Variants in PRKCE observed in about 807,000 individuals in gnomAD.
The protein encoded by PRKCE is protein kinase C epsilon type.
In PRKCE, 16 loss-of-function variants were observed where a neutral mutation model predicts 85.4. That is an observed-to-expected ratio of 0.19 (90% CI 0.13 to 0.28). The LOEUF is 0.28. Among genes scored for constraint, PRKCE ranks in the 10% least tolerant of loss-of-function variants. The pLI is 1.00. For missense variants in PRKCE, 573 were observed against 975.2 expected, an observed-to-expected ratio of 0.59 and a Z score of 5.49; for synonymous variants, 388 against 371.5, an observed-to-expected ratio of 1.04 and a Z score of -0.51.
chr2:46,033,096 G>A (rs1243066690), intron 10 of PRKCE, among the ~76,000 whole-genome samples: 3 of 152,178 alleles, frequency 2.0e-5, no homozygotes, highest in African/African-American at 4.8e-5. Flanking sequence ...CACTTATGAC[G>A]CAATGACAAG....
intron 2 of PRKCE, among the ~76,000 whole-genome samples, chr2:45,881,115 T>C (rs1466542034): frequency 7.1e-6 from 1 of 140,806 alleles, no homozygotes; most frequent in African/African-American, 2.8e-5. Flanking sequence ...ATCCCGCCAC[T>C]GCACTCCAGC....
At chr2:46,098,601 T>A (rs1670926347) in intron 11 of PRKCE, among the ~76,000 whole-genome samples, 1 of 152,210 alleles carries the variant, frequency 6.6e-6, no homozygotes, top group African/African-American at 2.4e-5. Context: ...TGTTGGGACC[T>A]GTCCTATATA....
chr2:45,904,779 C>G (rs1696847880), intron 2 of PRKCE, among the ~76,000 whole-genome samples: 1 of 152,226 alleles, frequency 6.6e-6, no homozygotes, highest in South Asian at 2.1e-4. Context: ...CTTGCTGTCT[C>G]CCCGCTGCCC....
chr2:45,935,387 C>T (rs1015570125), intron 2 of PRKCE, among the ~76,000 whole-genome samples: 18 of 152,142 alleles, frequency 1.2e-4, no homozygotes, highest in Admixed American at 1.3e-4. Context: ...AAGCTAAGAA[C>T]TTTTGAAGTA....
Position 46,074,429 on chromosome 2 carries a change from CAAAA to C in PRKCE, c.1438-11763_1438-11760del, listed in dbSNP as rs11287357. ...AAACAAACAAACAAACAACAACAAC[CAAAA>C]AAAAAAAAAAAAAAAGAAAAACACG... is the stretch of plus-strand genomic sequence containing the variant. On this transcript the variant is annotated intron_variant, in intron 10 of 14. Transcript: ENST00000306156. Among the ~76,000 whole-genome samples, 16 of 93,886 alleles carry C rather than the reference CAAAA, an allele frequency of 1.7e-4. 1 individual carries two copies. The highest frequency in any genetic ancestry group is 5.0e-4 in the African/African-American group (12 of 23,846). 61.6% of individuals were successfully genotyped at this position (93,886 alleles called of 152,430 possible).
chr2:45,749,223 T>A (rs907669225), intron 1 of PRKCE, among the ~76,000 whole-genome samples: 1 of 152,234 alleles, frequency 6.6e-6, no homozygotes, highest in Non-Finnish European at 1.5e-5. Context: ...TTGAACCATC[T>A]TCCCTGATCC....
At chr2:45,978,741 C>A in intron 3 of PRKCE, 2 of 478,558 alleles carry the variant, frequency 4.2e-6, no homozygotes, top group Admixed American at 3.5e-5. Flanking sequence ...TATAGGAAAT[C>A]AAGCTCTGAT....
At chr2:46,143,820 G>T (rs778262211) in intron 11 of PRKCE, among the ~76,000 whole-genome samples, 1 of 152,204 alleles carries the variant, frequency 6.6e-6, no homozygotes, top group Non-Finnish European at 1.5e-5. Flanking sequence ...TTCTCAAGAA[G>T]TCCCAGCTGT....
Position 45,993,830 on chromosome 2 carries a change from G to A in PRKCE, c.824-7574G>A, listed in dbSNP as rs933387180. Among the ~76,000 whole-genome samples the A allele has an allele frequency of 2.6e-5, 4 of 152,118 alleles. No homozygotes were observed. In the East Asian group the frequency reaches 5.8e-4, roughly 22 times the overall value. On this transcript the variant is annotated intron_variant, in intron 6 of 14. Coordinates refer to ENST00000306156, the MANE Select transcript of PRKCE (RefSeq NM_005400.3). ...GTTGCCTGGTCTCTGATCAGCCCGC[G>A]GATCAGAGTTATTAGTGATAACTCC...
chr2:45,657,714 C>T (rs989935933), intron 1 of PRKCE, among the ~76,000 whole-genome samples: 1 of 152,194 alleles, frequency 6.6e-6, no homozygotes, highest in Non-Finnish European at 1.5e-5. Flanking sequence ...AGTAGCCCAT[C>T]GGCAAAGCTT....
At chr2:46,043,926 G>A (rs1467857189) in intron 10 of PRKCE, among the ~76,000 whole-genome samples, 27 of 152,322 alleles carry the variant, frequency 1.8e-4, no homozygotes, top group Non-Finnish European at 4.4e-5. Flanking sequence ...TCTGAATGGG[G>A]AAGATCTTTC....
intron 1 of PRKCE, among the ~76,000 whole-genome samples, chr2:45,657,036 G>T (rs377347151): frequency 1.3e-5 from 2 of 152,216 alleles, no homozygotes; most frequent in Non-Finnish European, 2.9e-5. Flanking sequence ...AAGGATTAGG[G>T]CTTGAAGGGC....
intron 2 of PRKCE, among the ~76,000 whole-genome samples, chr2:45,975,509 A>G (rs929723969): frequency 2.6e-5 from 4 of 152,162 alleles, no homozygotes; most frequent in Non-Finnish European, 4.4e-5. Context: ...CACTAATCCC[A>G]TCATGGAGGC....
Position 45,707,049 on chromosome 2 carries a change from C to T in PRKCE, c.348+54601C>T, listed in dbSNP as rs186386862. Among the ~76,000 whole-genome samples, 23 of 152,322 alleles carry T rather than the reference C, an allele frequency of 1.5e-4. No individual in the cohort carries two copies. The East Asian group carries it at 4.2e-3, about 28-fold the overall frequency. ...CCCCAAAGATGGGGGTCTTGGCCAA[C>T]TCTGGAATTCTGTGATTTTATGACT... On this transcript the variant is annotated intron_variant, in intron 1 of 14. Coordinates refer to ENST00000306156, the MANE Select transcript of PRKCE (RefSeq NM_005400.3).
chr2:46,045,532 G>A (rs1708469622), intron 10 of PRKCE, among the ~76,000 whole-genome samples: 1 of 152,182 alleles, frequency 6.6e-6, no homozygotes, highest in Non-Finnish European at 1.5e-5. Flanking sequence ...ATGTTGTTTT[G>A]TTTCTTCTCT....
rs868196044 is a variant in PRKCE, at chr2:46,152,185, T to A, written c.1920+956T>A. ...TGATTATATGTATTTTACAAAGAAA[T>A]TTTTTTTTTTTTTTTAGACAGAGTC... On this transcript the variant is annotated intron_variant, in intron 13 of 14. Coordinates refer to ENST00000306156, the MANE Select transcript of PRKCE (RefSeq NM_005400.3). Among the ~76,000 whole-genome samples the A allele has an allele frequency of 2.4e-4, 34 of 142,318 alleles. 1 individual carries two copies. In the South Asian group the frequency reaches 6.0e-3, roughly 25 times the overall value. 93.4% of individuals were successfully genotyped at this position (142,318 alleles called of 152,430 possible).
chr2:46,127,467 C>A (rs1339458984), intron 11 of PRKCE, among the ~76,000 whole-genome samples: 1 of 152,194 alleles, frequency 6.6e-6, no homozygotes, highest in Non-Finnish European at 1.5e-5. Context: ...CTAATTTTTG[C>A]CCCAGCCTTC....
intron 2 of PRKCE, among the ~76,000 whole-genome samples, chr2:45,918,028 G>C (rs933509054): frequency 6.6e-6 from 1 of 152,232 alleles, no homozygotes; most frequent in Non-Finnish European, 1.5e-5. Context: ...AGCGCCGCGC[G>C]CAGCCCCGGT....
chr2:45,820,750 C>A (rs1689463080), intron 1 of PRKCE, among the ~76,000 whole-genome samples: 1 of 152,146 alleles, frequency 6.6e-6, no homozygotes, highest in Non-Finnish European at 1.5e-5. Context: ...TCCCAACTTT[C>A]TGTTTGGTGC....
Sources: allele counts gnomAD v4.1 joint callset (sites outside exome capture counted in the v4.1 genomes callset), GRCh38; gene constraint gnomAD v4.1.1; transcripts MANE v1.5; gene names NCBI Gene and HGNC (gene_info 2026-07-23, HGNC 2026-07-21).